Variants in DIP2B observed in about 807,000 individuals in gnomAD.
DIP2B encodes the protein DIP2 acetate--CoA ligase B (putative), also known as disco-interacting protein 2 homolog B.
In DIP2B, 76 loss-of-function variants were observed where a neutral mutation model predicts 198.0. The observed-to-expected ratio is 0.38, with a 90% CI of 0.32 to 0.46. The LOEUF (loss-of-function observed/expected upper bound fraction) is 0.46. Ranked by LOEUF, DIP2B falls within the 20% of genes least tolerant of loss-of-function variation. The pLI is 0.99. For missense variants in DIP2B, 1,559 were observed against 1,978.4 expected (o/e 0.79, Z 4.02); for synonymous variants, 701 against 739.1 (o/e 0.95, Z 0.84).
At chr12:50,551,449 A>G (rs867926662) in intron 1 of DIP2B, among the ~76,000 whole-genome samples, 2 of 151,592 alleles carry the variant, frequency 1.3e-5, no homozygotes, top group Non-Finnish European at 2.9e-5. Flanking sequence ...GTGTGTGTGT[A>G]TGTGTGTATT....
intron 37 of DIP2B, among the ~76,000 whole-genome samples, 187 bp downstream of exon 37, chr12:50,741,726 G>A (rs1231814232): frequency 3.3e-5 from 5 of 152,182 alleles, no homozygotes; most frequent in Admixed American, 3.3e-4. Context: ...CCTATCCACA[G>A]GAGCCAGATG....
At chr12:50,577,294 G>A (rs1460349824) in intron 1 of DIP2B, among the ~76,000 whole-genome samples, 2 of 152,122 alleles carry the variant, frequency 1.3e-5, no homozygotes, top group Non-Finnish European at 2.9e-5. Context: ...CACTTTGGGA[G>A]GCCGAGGCGG....
chr12:50,737,223 G>A (rs1346293891), intron 35 of DIP2B, 113 bp downstream of exon 35: 2 of 973,084 alleles, frequency 2.1e-6, no homozygotes, highest in African/African-American at 1.7e-5. Flanking sequence ...TGTGAATGGA[G>A]TTAATTTTTT....
At chr12:50,733,139 C>T (rs528553389) in intron 32 of DIP2B, among the ~76,000 whole-genome samples, 1 of 152,000 alleles carries the variant, frequency 6.6e-6, no homozygotes, top group Admixed American at 6.6e-5. Context: ...CTCCTGACCT[C>T]AAGTGATCCA....
chr12:50,582,145 G>GTTTTTTTTTT (rs367699036), intron 1 of DIP2B, among the ~76,000 whole-genome samples: 12 of 77,542 alleles, frequency 1.5e-4, no homozygotes, highest in African/African-American at 7.4e-4. Context: ...CTTTTTTTCT[G>GTTTTTTTTTT]TTTTTTTTTT....
At chr12:50,605,228 A>G (rs943410377) in intron 1 of DIP2B, among the ~76,000 whole-genome samples, 1 of 152,178 alleles carries the variant, frequency 6.6e-6, no homozygotes, top group African/African-American at 2.4e-5. Flanking sequence ...GTTTTTTAGT[A>G]GGTTCATAGT....
At chr12:50,673,025 G>T (rs532091005) in intron 5 of DIP2B, among the ~76,000 whole-genome samples, 28 of 152,172 alleles carry the variant, frequency 1.8e-4, no homozygotes, top group African/African-American at 6.7e-4. Context: ...AAAACTATTG[G>T]ATTGAACATG....
intron 27 of DIP2B, 33 bp from the exon 28 acceptor site, chr12:50,724,742 C>T: frequency 6.2e-7 from 1 of 1,603,590 alleles, no homozygotes; most frequent in African/African-American, 1.3e-5. Flanking sequence ...GGCTGAGCCT[C>T]CTGATGCTTA....
intron 1 of DIP2B, among the ~76,000 whole-genome samples, chr12:50,511,614 T>A (rs1958017571): frequency 6.6e-6 from 1 of 151,798 alleles, no homozygotes; most frequent in African/African-American, 2.4e-5. Context: ...TTCTAAGTAT[T>A]TAAATTGCTT....
At chr12:50,715,644 G>A (rs1433120144) in intron 23 of DIP2B, among the ~76,000 whole-genome samples, 1 of 152,214 alleles carries the variant, frequency 6.6e-6, no homozygotes, top group African/African-American at 2.4e-5. Context: ...CTGCCCCAGG[G>A]CTCATTAGGC....
chr12:50,718,845 T>C (rs1182988614), intron 24 of DIP2B, 27 bp downstream of exon 24: 2 of 1,611,700 alleles, frequency 1.2e-6, no homozygotes, highest in Admixed American at 3.3e-5. Flanking sequence ...TGTTACCTTC[T>C]TACAGTCAAG....
intron 1 of DIP2B, among the ~76,000 whole-genome samples, chr12:50,582,456 C>CT (rs912093222): frequency 2.0e-5 from 3 of 151,766 alleles, no homozygotes; most frequent in Non-Finnish European, 4.4e-5. Context: ...GGCCTAATAG[C>CT]TTTTTTTTCT....
chr12:50,643,088 G>A (rs1407374817), intron 3 of DIP2B, among the ~76,000 whole-genome samples: 1 of 150,562 alleles, frequency 6.6e-6, no homozygotes, highest in African/African-American at 2.4e-5. Context: ...CTTTTTCTTT[G>A]TTTTTATAGC....
chr12:50,571,453 G>A (rs973254334), intron 1 of DIP2B, among the ~76,000 whole-genome samples: 9 of 151,846 alleles, frequency 5.9e-5, no homozygotes, highest in Admixed American at 1.3e-4. Flanking sequence ...GATTACAGGC[G>A]TGAGCCACCA....
At chr12:50,708,681 A>G in intron 22 of DIP2B, 119 bp downstream of exon 22, 1 of 739,246 alleles carries the variant, frequency 1.4e-6, no homozygotes, top group Admixed American at 2.2e-5. Context: ...TTGCTCACAT[A>G]CTCTGGGTAC....
intron 33 of DIP2B, 87 bp from the exon 34 acceptor site, chr12:50,734,986 G>T: frequency 6.7e-7 from 1 of 1,486,074 alleles, no homozygotes; most frequent in East Asian, 2.3e-5. Context: ...CAAGTTAGAG[G>T]TTGTGGGAAG....
At chr12:50,737,640 C>T (rs1174208077) in intron 35 of DIP2B, among the ~76,000 whole-genome samples, 1 of 152,122 alleles carries the variant, frequency 6.6e-6, no homozygotes, top group Non-Finnish European at 1.5e-5. Context: ...CAGTCTCACT[C>T]TGTTGCCCAG....
intron 1 of DIP2B, among the ~76,000 whole-genome samples, chr12:50,616,518 A>G (rs1248056659): frequency 6.6e-6 from 1 of 152,214 alleles, no homozygotes; most frequent in Non-Finnish European, 1.5e-5. Context: ...TCTTTTCATC[A>G]TAGGATCAAT....
At chr12:50,679,011 T>C (rs1040702862) in intron 8 of DIP2B, 135 bp downstream of exon 8, 1 of 1,001,476 alleles carries the variant, frequency 1.0e-6, no homozygotes, top group Non-Finnish European at 1.4e-6. Context: ...AAAAGGATCC[T>C]AAGCTCTAAG....
Sources: allele counts gnomAD v4.1 joint callset (sites outside exome capture counted in the v4.1 genomes callset), GRCh38; gene constraint gnomAD v4.1.1; transcripts MANE v1.5; gene names NCBI Gene and HGNC (gene_info 2026-07-23, HGNC 2026-07-21).